TRAPPC9: variants seen among roughly 807,000 people sequenced by gnomAD.
TRAPPC9 encodes the protein IKK2 binding protein.
In TRAPPC9, 83 loss-of-function variants were observed where a neutral mutation model predicts 124.0. That is an observed-to-expected ratio of 0.67 (90% confidence interval 0.56 to 0.80). TRAPPC9 has a LOEUF of 0.80. Ranked by LOEUF, TRAPPC9 falls within the 30% of genes least tolerant of loss-of-function variation. The pLI, the probability that TRAPPC9 is intolerant of heterozygous loss-of-function variation, is 0.00. For missense variants in TRAPPC9, 1,302 were observed against 1,508.3 expected, an observed-to-expected ratio of 0.86 and a Z score of 2.27; for synonymous variants, 638 against 617.5, an observed-to-expected ratio of 1.03 and a Z score of -0.49.
intron 17 of TRAPPC9, among the ~76,000 whole-genome samples, chr8:140,074,481 C>G (rs1843376395): frequency 6.6e-6 from 1 of 152,210 alleles, no homozygotes; most frequent in Non-Finnish European, 1.5e-5. Flanking sequence ...TTCCCGTCCA[C>G]CAGGGTCCCT....
chr8:139,749,021 T>C (rs1018666011), intron 21 of TRAPPC9, among the ~76,000 whole-genome samples: 5 of 152,086 alleles, frequency 3.3e-5, no homozygotes, highest in African/African-American at 1.2e-4. Flanking sequence ...CATAAAGTGA[T>C]TGTGGATGTA....
At chr8:139,950,918 C>T (rs1452447266) in intron 19 of TRAPPC9, among the ~76,000 whole-genome samples, 2 of 152,196 alleles carry the variant, frequency 1.3e-5, no homozygotes, top group African/African-American at 2.4e-5. Flanking sequence ...GGGAGGGAGC[C>T]GCACCCGCCT....
At chr8:140,139,026 G>A (rs1330413624) in intron 17 of TRAPPC9, among the ~76,000 whole-genome samples, 3 of 152,130 alleles carry the variant, frequency 2.0e-5, no homozygotes, top group Non-Finnish European at 4.4e-5. Flanking sequence ...GGCCACGCAC[G>A]ATACCTGGAA....
At chr8:140,114,588 T>G (rs2130541925) in intron 17 of TRAPPC9, among the ~76,000 whole-genome samples, 1 of 152,320 alleles carries the variant, frequency 6.6e-6, no homozygotes, top group Non-Finnish European at 1.5e-5. Context: ...AATAGGACCA[T>G]CCGTCACCGA....
intron 17 of TRAPPC9, among the ~76,000 whole-genome samples, chr8:140,073,760 G>C (rs184090763): frequency 8.5e-5 from 13 of 152,314 alleles, no homozygotes; most frequent in Non-Finnish European, 1.5e-5. Flanking sequence ...CCTGGGTAGG[G>C]ATGATAAAGA....
intron 21 of TRAPPC9, 102 bp from the exon 22 acceptor site, chr8:139,732,304 C>T: frequency 8.8e-7 from 1 of 1,135,190 alleles, no homozygotes; most frequent in Non-Finnish European, 1.2e-6. Flanking sequence ...CTCCTTCACT[C>T]TTCAAGGCTG....
intron 19 of TRAPPC9, among the ~76,000 whole-genome samples, chr8:139,939,882 T>A (rs1833795009): frequency 6.6e-6 from 1 of 152,246 alleles, no homozygotes; most frequent in Non-Finnish European, 1.5e-5. Context: ...AGGTCTCATC[T>A]GCGGGAAAGG....
chr8:139,865,856 G>A (rs1007167612), intron 21 of TRAPPC9, among the ~76,000 whole-genome samples: 8 of 152,198 alleles, frequency 5.3e-5, no homozygotes, highest in Non-Finnish European at 1.0e-4. Flanking sequence ...ACCATGGCTC[G>A]TGACACAGCC....
chr8:140,164,677 G>A (rs954574068), intron 17 of TRAPPC9, among the ~76,000 whole-genome samples: 2 of 152,124 alleles, frequency 1.3e-5, no homozygotes, highest in Non-Finnish European at 2.9e-5. Flanking sequence ...CTGGGCCTCC[G>A]TGCAGCACAG....
At chr8:140,077,713 G>A (rs1175911500) in intron 17 of TRAPPC9, among the ~76,000 whole-genome samples, 1 of 152,148 alleles carries the variant, frequency 6.6e-6, no homozygotes, top group Admixed American at 6.5e-5. Context: ...TCCTGAACAA[G>A]GCGGCAGCTG....
intron 21 of TRAPPC9, among the ~76,000 whole-genome samples, chr8:139,775,500 C>T (rs951226369): frequency 3.3e-5 from 5 of 152,206 alleles, no homozygotes; most frequent in Non-Finnish European, 5.9e-5. Context: ...AATCACTGAC[C>T]GCTTTTCTGG....
chr8:139,956,170 CTTTTA>C (rs1270905488), intron 19 of TRAPPC9, among the ~76,000 whole-genome samples: 2 of 147,998 alleles, frequency 1.4e-5, no homozygotes, highest in African/African-American at 5.0e-5. Flanking sequence ...TTTTTTTTTT[CTTTTA>C]TTTTGAGATG....
intron 21 of TRAPPC9, among the ~76,000 whole-genome samples, chr8:139,749,309 TG>T (rs1244101252): frequency 1.3e-5 from 2 of 152,194 alleles, no homozygotes; most frequent in African/African-American, 4.8e-5. Flanking sequence ...CCTGAGCTCC[TG>T]GGGGACCTCT....
intron 21 of TRAPPC9, among the ~76,000 whole-genome samples, chr8:139,843,208 G>A (rs544972883): frequency 1.3e-5 from 2 of 152,362 alleles, no homozygotes; most frequent in South Asian, 2.1e-4. Context: ...AGTCATGTGA[G>A]GTAAACAAGG....
Position 139,776,940 on chromosome 8 carries a change from G to A in TRAPPC9, c.3056-44738C>T, listed in dbSNP as rs1472609412. 1.3e-5 allele frequency among the ~76,000 whole-genome samples: 2 copies of A among 152,174 alleles called. No homozygotes were observed. The highest frequency in any genetic ancestry group is 2.9e-5 in the Non-Finnish European group (2 of 68,022). On this transcript the variant is annotated intron_variant, in intron 21 of 22. Coordinates refer to ENST00000438773, the MANE Select transcript of TRAPPC9 (RefSeq NM_001160372.4). This position sits in a 1 kb window ranked among gnomAD's most constrained non-coding sequence, Gnocchi z 4.1. ...GTGCCTTGCACCCTCTGTAGCTCCT[G>A]TGTGCCAGTTCCCAGCTTGCCTGTA... is the stretch of plus-strand genomic sequence containing the variant.
intron 21 of TRAPPC9, among the ~76,000 whole-genome samples, chr8:139,862,690 C>T (rs1351112464): frequency 6.6e-6 from 1 of 152,210 alleles, no homozygotes; most frequent in African/African-American, 2.4e-5. Context: ...TCTCACTCTC[C>T]ATGAAGCACC....
chr8:140,402,933 A>G (rs1026484888), intron 6 of TRAPPC9, among the ~76,000 whole-genome samples: 2 of 152,186 alleles, frequency 1.3e-5, no homozygotes, highest in Non-Finnish European at 2.9e-5. Context: ...CTTATGTCAT[A>G]ATACACACAA....
chr8:139,832,346 C>T (rs910419389), intron 21 of TRAPPC9, among the ~76,000 whole-genome samples: 4 of 152,232 alleles, frequency 2.6e-5, no homozygotes, highest in Non-Finnish European at 5.9e-5. Context: ...TGACAAGGCA[C>T]GTACACCATG....
At chr8:139,904,426 C>T (rs1379564272) in intron 20 of TRAPPC9, 2 of 152,198 alleles carry the variant, frequency 1.3e-5, no homozygotes, top group Middle Eastern at 3.2e-3. Context: ...TCAGGAGGGC[C>T]TCCCCTGAGG....
Sources: gnomAD v4.1 joint callset for allele counts (sites outside exome capture counted in the v4.1 genomes callset) on GRCh38, gnomAD v4.1.1 for gene constraint, Gnocchi (gnomAD v3.1) non-coding constraint, MANE v1.5 for transcripts, NCBI Gene and HGNC (gene_info 2026-07-23, HGNC 2026-07-21) for gene names.